Variants in PIEZO1 observed in about 807,000 individuals in gnomAD.
The protein encoded by PIEZO1 is piezo type mechanosensitive ion channel component 1 (Er blood group), also known as piezo-type mechanosensitive ion channel component 1.
In PIEZO1, 296 loss-of-function variants were observed where a neutral mutation model predicts 297.2. The observed-to-expected ratio is 1.00, with a 90% CI of 0.91 to 1.10. The LOEUF (loss-of-function observed/expected upper bound fraction) is 1.10. Among genes scored for constraint, PIEZO1 ranks in the 50% least tolerant of loss-of-function variants. The probability of loss-of-function intolerance (pLI) is 0.00; values close to 1 mark genes in which losing one functional copy is unlikely to be tolerated. For synonymous variants in PIEZO1, 2,427 were observed against 1,507.5 expected, an observed-to-expected ratio of 1.61 and a Z score of -14.13; for missense variants, 5,018 against 3,455.5, an observed-to-expected ratio of 1.45 and a Z score of -11.34.
intron 2 of PIEZO1, 110 bp downstream of exon 2, chr16:88,749,274 A>G (rs1025133667): frequency 2.0e-5 from 13 of 654,954 alleles, no homozygotes; most frequent in Middle Eastern, 2.5e-4. Flanking sequence ...GGGACCCCTC[A>G]TCTTCCACCC....
Position 88,733,264 on chromosome 16 carries a change from T to C in PIEZO1, c.2664+14A>G, listed in dbSNP as rs1904989606. Reference sequence around the variant, plus strand: ...CTGGAGCTTCCTCCCGTCCCAGCCCTCGGGGGCCGGTACCTCGGTGCAGTT... The same window carrying C: ...CTGGAGCTTCCTCCCGTCCCAGCCCCCGGGGGCCGGTACCTCGGTGCAGTT... On this transcript the variant is annotated intron_variant, in intron 19 of 50. Coordinates refer to ENST00000301015, the MANE Select transcript of PIEZO1 (RefSeq NM_001142864.4). The C allele has an allele frequency of 1.3e-6, 2 of 1,534,838 alleles. No homozygotes were observed. Among genetic ancestry groups the C allele is most frequent in the East Asian group, 2.5e-5 (1 of 40,444 alleles).
chr16:88,753,075 C>CCACCCACCGCCCCCAGAGCA (rs61714126), intron 1 of PIEZO1, among the ~76,000 whole-genome samples: 2 of 113,608 alleles, frequency 1.8e-5, no homozygotes, highest in African/African-American at 6.6e-5. Context: ...AGCCCAAAGC[C>CCACCCACCGCCCCCAGAGCA]CACCCACCGC....
In PIEZO1 at chr16:88,721,715, G is replaced by C. The variant is rs986714668; in HGVS notation, c.5226C>G (p.Val1742=). 7.1e-6 allele frequency: 11 copies of C among 1,542,778 alleles called. No homozygotes were observed. Among genetic ancestry groups the C allele is most frequent in the Admixed American group, 5.9e-5 (3 of 50,822 alleles). The change falls in exon 38 of 51, where the codon GTC becomes GTG. Residue 1742 remains valine, a synonymous_variant. Coordinates refer to ENST00000301015, the MANE Select transcript of PIEZO1 (RefSeq NM_001142864.4). The stretch of plus-strand genomic sequence containing the variant: ...ACCCAAACTGGAACAGGTACTTGAC[G>C]ACCACCGCGATCTGTGGGGGAGGGG... ...TAIVFTEIAV[V]VKYLFQFGFF...
chr16:88,759,540 G>T (rs1273811399), intron 1 of PIEZO1, among the ~76,000 whole-genome samples: 1 of 152,104 alleles, frequency 6.6e-6, no homozygotes, highest in African/African-American at 2.4e-5. Context: ...GGCGGGGCCG[G>T]GCAGAGGAAG....
At chr16:88,782,107 T>C (rs1400636645) in intron 1 of PIEZO1, among the ~76,000 whole-genome samples, 3 of 152,232 alleles carry the variant, frequency 2.0e-5, no homozygotes, top group African/African-American at 7.2e-5. Context: ...ACAAATGTCC[T>C]GCCCTTTTTT....
intron 5 of PIEZO1, chr16:88,739,920 G>C (rs993581655): frequency 2.0e-5 from 3 of 152,470 alleles, no homozygotes; most frequent in Non-Finnish European, 2.9e-5. Context: ...GGAGTGGAAA[G>C]AACAGAGGCA....
chr16:88,720,329 T>C, intron 41 of PIEZO1, 46 bp from the exon 42 acceptor site: 1 of 1,549,876 alleles, frequency 6.5e-7, no homozygotes, highest in Non-Finnish European at 8.7e-7. Context: ...GCCCAGGGGA[T>C]GTGGGTGGCT....
chr16:88,777,624 G>T (rs966190798), intron 1 of PIEZO1, among the ~76,000 whole-genome samples: 2 of 152,384 alleles, frequency 1.3e-5, no homozygotes, highest in East Asian at 3.9e-4. Flanking sequence ...TCCCTTTCAT[G>T]TTGCTTTAAT....
chr16:88,719,145 G>T (rs79864313), intron 44 of PIEZO1: 23 of 200,720 alleles, frequency 1.1e-4, no homozygotes, highest in Non-Finnish European at 2.2e-4. Context: ...CGCTGTGCCC[G>T]GCCCGGGGTT....
At chr16:88,743,042 G>A in intron 2 of PIEZO1, 1 of 456,468 alleles carries the variant, frequency 2.2e-6, no homozygotes, top group Non-Finnish European at 4.4e-6. Flanking sequence ...TCAGGCCCCA[G>A]ACCGGCATCC....
Position 88,784,954 on chromosome 16 carries a change from T to C in PIEZO1, c.11A>G (p.His4Arg), listed in dbSNP as rs1226032010. MEPHVLGAVLYWLL... is the reference protein window; with the variant it reads MEPRVLGAVLYWLL... ...CCAGTACAGGACCGCGCCGAGCACG[T>C]GCGGCTCCATGGCTGGAGGGCCCAG... Residue 4 changes from histidine to arginine, a missense_variant, in exon 1 of 51, where the codon CAC (histidine) becomes CGC (arginine). Transcript: ENST00000301015. 2.2e-6 allele frequency: 3 copies of C among 1,376,154 alleles called. No homozygotes were observed. Among genetic ancestry groups the C allele is most frequent in the African/African-American group, 1.5e-5 (1 of 66,508 alleles). 85.2% of individuals were successfully genotyped at this position (1,376,154 alleles called of 1,614,324 possible). A position where few individuals can be genotyped will look rare whatever the true frequency, so the allele number is the denominator to read the frequency against.
chr16:88,723,320 G>C lies in PIEZO1; in HGVS notation c.4344C>G (p.Tyr1448Ter). ...PSAQSAFQLAYQAWVTNAQAV... is the reference protein window; with the variant it reads ...PSAQSAFQLA ...CCTGGGCGTTGGTCACCCATGCCTG[G>C]TACGCCAGCTGTCGGCCAGCCCCCG... Residue 1448 changes from tyrosine to a stop codon, truncating the protein, a stop_gained, in exon 32 of 51, where the codon TAC (tyrosine) becomes TAG (stop). Transcript: ENST00000301015. LOFTEE classifies it high-confidence loss of function. 1 of 1,538,378 alleles carries C rather than the reference G, an allele frequency of 6.5e-7. No homozygotes were observed. Among genetic ancestry groups the C allele is most frequent in the Non-Finnish European group, 8.7e-7 (1 of 1,146,682 alleles).
chr16:88,753,953 G>A (rs1490868584), intron 1 of PIEZO1, among the ~76,000 whole-genome samples: 5 of 152,234 alleles, frequency 3.3e-5, no homozygotes, highest in African/African-American at 1.2e-4. Context: ...AGCGGGGACA[G>A]GAGCCTGCCC....
intron 1 of PIEZO1, among the ~76,000 whole-genome samples, chr16:88,778,241 G>A (rs1032732116): frequency 2.6e-5 from 4 of 152,180 alleles, no homozygotes; most frequent in African/African-American, 9.6e-5. Flanking sequence ...CCGAGAGCCG[G>A]CCTTGTTCTT....
chr16:88,749,126 G>A, intron 2 of PIEZO1, among the ~76,000 whole-genome samples: 1 of 151,684 alleles, frequency 6.6e-6, no homozygotes, highest in Admixed American at 6.6e-5. Flanking sequence ...TGTAGTCCCA[G>A]CTACCCGGGA....
rs879375075 is a variant in PIEZO1, at chr16:88,785,164, T to G, written c.-200A>C. The G allele has an allele frequency of 7.0e-6, 2 of 287,090 alleles. No homozygotes were observed. Among genetic ancestry groups the G allele is most frequent in the Non-Finnish European group, 1.3e-5 (2 of 159,660 alleles). The allele number at this position is 287,090 out of a possible 1,614,324, so 17.8% of individuals were successfully genotyped here. A position where few individuals can be genotyped will look rare whatever the true frequency, so the allele number is the denominator to read the frequency against. ...CTCGCTCAGGCGACCGCCCTGCCCC[T>G]CGGCGGAGCGCAGCGCTCGGCTCAC... is the stretch of plus-strand genomic sequence containing the variant. On this transcript the variant is annotated 5_prime_UTR_variant, in exon 1 of 51. Transcript: ENST00000301015.
At chr16:88,759,736 G>A (rs1178684380) in intron 1 of PIEZO1, among the ~76,000 whole-genome samples, 1 of 152,212 alleles carries the variant, frequency 6.6e-6, no homozygotes, top group African/African-American at 2.4e-5. Context: ...AGGCTGGCAA[G>A]GTTGGCCCAG....
Position 88,716,742 on chromosome 16 carries a change from G to A in PIEZO1, c.6754-11C>T. On this transcript the variant is annotated splice_polypyrimidine_tract_variant and intron_variant, in intron 46 of 50. Transcript: ENST00000301015. ...GAACTGCATGGCCAGCTGGGTACAA[G>A]TGACACCCTCAGTGACTGCAGCCGC... The A allele has an allele frequency of 1.3e-6, 2 of 1,548,292 alleles. No individual in the cohort carries two copies. Among genetic ancestry groups the A allele is most frequent in the Non-Finnish European group, 1.7e-6 (2 of 1,146,834 alleles).
rs889101729 is a variant in PIEZO1 at position 88,731,594 on chromosome 16, G to A, written c.3196+112C>T. 2.5e-5 allele frequency: 19 copies of A among 772,078 alleles called. No homozygotes were observed. The African/African-American group carries it at 2.8e-4, about 11-fold the overall frequency. 47.8% of individuals were successfully genotyped at this position (772,078 alleles called of 1,614,324 possible). ...GAGCAGAGAGGAGGGACTGGAGGAG[G>A]CCAAGGCTAAGTCTAGGAGGGTGGA... On this transcript the variant is annotated intron_variant, in intron 22 of 50. Coordinates refer to ENST00000301015, the MANE Select transcript of PIEZO1 (RefSeq NM_001142864.4).
Sources: gnomAD v4.1 joint callset for allele counts (sites outside exome capture counted in the v4.1 genomes callset) on GRCh38, gnomAD v4.1.1 for gene constraint, MANE v1.5 for transcripts, NCBI Gene and HGNC (gene_info 2026-07-23, HGNC 2026-07-21) for gene names.